Variants in STYK1 observed in about 807,000 individuals in gnomAD.
STYK1 encodes tyrosine-protein kinase STYK1.
A neutral mutation model predicts 48.1 loss-of-function variants in STYK1; 46 were observed. That is an observed-to-expected ratio of 0.96 (90% confidence interval 0.75 to 1.22). The LOEUF is 1.22. STYK1 is among the 50% of genes most tolerant of loss of function. The pLI is 0.00. For synonymous variants in STYK1, 188 were observed against 189.0 expected, an observed-to-expected ratio of 0.99 and a Z score of 0.04; for missense variants, 527 against 521.1, an observed-to-expected ratio of 1.01 and a Z score of -0.11.
At chr12:10,662,544 T>C (rs1349208084) in intron 1 of STYK1, among the ~76,000 whole-genome samples, 1 of 152,238 alleles carries the variant, frequency 6.6e-6, no homozygotes, top group Non-Finnish European at 1.5e-5. Context: ...TCTTTTTTAC[T>C]GTAGCCCAAC....
At chr12:10,644,677 C>A (rs924550467) in intron 1 of STYK1, among the ~76,000 whole-genome samples, 2 of 151,790 alleles carry the variant, frequency 1.3e-5, no homozygotes, top group Non-Finnish European at 2.9e-5. Context: ...GGATTGGAAA[C>A]CTTGAGGAGA....
chr12:10,627,771 A>G (rs1287779330), intron 6 of STYK1, 47 bp from the exon 7 acceptor site: 1 of 1,508,672 alleles, frequency 6.6e-7, no homozygotes, highest in Non-Finnish European at 9.1e-7. Flanking sequence ...TAGCACTCAC[A>G]GATTTGGAAA....
At chr12:10,636,995 A>C (rs1381803242) in intron 2 of STYK1, 76 bp downstream of exon 2, 1 of 152,320 alleles carries the variant, frequency 6.6e-6, no homozygotes, top group African/African-American at 2.4e-5. Context: ...ACCTGGCCAA[A>C]CACACAAATC....
intron 4 of STYK1, among the ~76,000 whole-genome samples, chr12:10,633,321 G>C (rs1295681860): frequency 6.6e-6 from 1 of 152,164 alleles, no homozygotes; most frequent in Non-Finnish European, 1.5e-5. Flanking sequence ...GAAGTAGTAG[G>C]AGTGAGTTTA....
At chr12:10,644,975 G>A (rs1947583674) in intron 1 of STYK1, among the ~76,000 whole-genome samples, 1 of 151,934 alleles carries the variant, frequency 6.6e-6, no homozygotes, top group Admixed American at 6.6e-5. Context: ...AGGAAAAGAG[G>A]GCCTAGGAAA....
chr12:10,636,191 A>C (rs1418538688), intron 2 of STYK1, among the ~76,000 whole-genome samples: 1 of 152,188 alleles, frequency 6.6e-6, no homozygotes, highest in African/African-American at 2.4e-5. Flanking sequence ...TGCCTGAAAG[A>C]CCTATGTAAA....
chr12:10,620,240 A>T lies in STYK1; in HGVS notation c.1173T>A (p.Ala391=). The stretch of plus-strand genomic sequence containing the variant: ...CCACCAACTCTGGTACTTGTAACAC[A>T]GCCTCGTCATCTGCAGTTTTAATGG... ...EAAIKTADDE[A]VLQVPELVVP... is the part of the protein sequence containing the mutation. Residue 391 remains alanine (A), a synonymous_variant, in exon 11 of 11, where the codon GCT becomes GCA. Coordinates refer to ENST00000075503, the MANE Select transcript of STYK1 (RefSeq NM_018423.3). 1 of 1,613,956 alleles carries T rather than the reference A, an allele frequency of 6.2e-7. No individual in the cohort carries two copies. Among genetic ancestry groups the T allele is most frequent in the Non-Finnish European group, 8.5e-7 (1 of 1,179,822 alleles).
At chr12:10,626,470 CTT>C (rs1947359948) in intron 7 of STYK1, among the ~76,000 whole-genome samples, 13 of 152,140 alleles carry the variant, frequency 8.5e-5, no homozygotes, top group Admixed American at 8.5e-4. Context: ...CACCTTAATC[CTT>C]TTTTTCTAAC....
At chr12:10,650,743 G>T (rs1435263000) in intron 1 of STYK1, among the ~76,000 whole-genome samples, 1 of 152,164 alleles carries the variant, frequency 6.6e-6, no homozygotes, top group African/African-American at 2.4e-5. Flanking sequence ...GCTCACCCCT[G>T]TAATTCCAGT....
In STYK1 at chr12:10,619,766, AT is replaced by A. The variant is rs150559788; in HGVS notation, c.*377del. 2.2e-3 allele frequency: 853 copies of A among 391,410 alleles called. 10 individuals are homozygous for A. Among genetic ancestry groups the A allele is most frequent in the African/African-American group, 0.015 (747 of 48,748 alleles). The allele number at this position is 391,410 out of a possible 1,614,324, so 24.2% of individuals were successfully genotyped here. A position where few individuals can be genotyped will look rare whatever the true frequency, so the allele number is the denominator to read the frequency against. ...TCTTTTATTGGATTTCTATTCCTTC[AT>A]TTCATTCCAAATTTTCATCTAGATA... On this transcript the variant is annotated 3_prime_UTR_variant, in exon 11 of 11. Transcript: ENST00000075503.
intron 8 of STYK1, among the ~76,000 whole-genome samples, chr12:10,623,547 A>G (rs967177818): frequency 2.6e-5 from 4 of 152,190 alleles, no homozygotes; most frequent in East Asian, 3.8e-4. Context: ...GGTATTTTAT[A>G]TATGGATTAA....
intron 1 of STYK1, among the ~76,000 whole-genome samples, chr12:10,663,802 C>T (rs1422831232): frequency 5.3e-5 from 8 of 150,578 alleles, no homozygotes; most frequent in Admixed American, 2.6e-4. Context: ...CAATTTGGGG[C>T]GTACCACTAT....
intron 4 of STYK1, among the ~76,000 whole-genome samples, chr12:10,631,962 A>G (rs1011589096): frequency 3.3e-5 from 5 of 152,228 alleles, no homozygotes; most frequent in Admixed American, 2.6e-4. Context: ...TGGGAACAGG[A>G]AAAGTCCAGA....
intron 7 of STYK1, among the ~76,000 whole-genome samples, chr12:10,627,294 T>A (rs1008339193): frequency 6.6e-6 from 1 of 152,210 alleles, no homozygotes; most frequent in Admixed American, 6.5e-5. Flanking sequence ...TATCTGTCTC[T>A]TTTAATTCTA....
intron 1 of STYK1, among the ~76,000 whole-genome samples, chr12:10,661,041 A>C (rs1357386408): frequency 1.3e-5 from 2 of 152,138 alleles, no homozygotes; most frequent in African/African-American, 4.8e-5. Context: ...GTGAAGTCCA[A>C]GAACCTTCTG....
chr12:10,638,729 C>T (rs1947512323), intron 1 of STYK1, among the ~76,000 whole-genome samples: 1 of 152,136 alleles, frequency 6.6e-6, no homozygotes, highest in African/African-American at 2.4e-5. Context: ...CTTTTCTTAC[C>T]AAAATATACC....
intron 1 of STYK1, among the ~76,000 whole-genome samples, chr12:10,669,108 C>T (rs1176220241): frequency 5.3e-5 from 8 of 152,124 alleles, no homozygotes; most frequent in Admixed American, 5.2e-4. Context: ...CAGTGTCTGG[C>T]ATATATCAGA....
intron 1 of STYK1, among the ~76,000 whole-genome samples, chr12:10,650,965 A>G (rs1947656644): frequency 6.6e-6 from 1 of 150,526 alleles, no homozygotes; most frequent in Non-Finnish European, 1.5e-5. Context: ...AGATCGTGCC[A>G]CTGCACTCCA....
At chr12:10,638,530 A>G (rs1947510206) in intron 1 of STYK1, among the ~76,000 whole-genome samples, 1 of 152,252 alleles carries the variant, frequency 6.6e-6, no homozygotes, top group African/African-American at 2.4e-5. Flanking sequence ...AAATAGTAAT[A>G]TTAATTCTAA....
Sources: gnomAD v4.1 joint callset for allele counts (sites outside exome capture counted in the v4.1 genomes callset) on GRCh38, gnomAD v4.1.1 for gene constraint, MANE v1.5 for transcripts, NCBI Gene and HGNC (gene_info 2026-07-23, HGNC 2026-07-21) for gene names.